Variants in CNTROB observed in about 807,000 individuals in gnomAD.
CNTROB encodes centrobin.
A neutral mutation model predicts 115.7 loss-of-function variants in CNTROB; 82 were observed. The ratio of observed to expected loss-of-function variants is 0.71; its 90% CI spans 0.59 to 0.85. The LOEUF is 0.85. CNTROB is among the 40% of genes least tolerant of loss of function. CNTROB has a pLI of 0.00. For synonymous variants in CNTROB, 439 were observed against 456.4 expected (o/e 0.96, Z 0.49); for missense variants, 1,014 against 1,144.4 (o/e 0.89, Z 1.64).
In CNTROB at chr17:7,939,945, G is replaced by T. The variant is rs1184534555; in HGVS notation, c.1165-151G>T. On this transcript the variant is annotated intron_variant, in intron 8 of 18. Coordinates refer to ENST00000563694, the MANE Select transcript of CNTROB (RefSeq NM_053051.5). The surrounding 1 kb of genome is among the most constrained non-coding windows in gnomAD (Gnocchi z 4.4). ...GGTAATGAATACGTGAAAGGCCAAA[G>T]ACTGAAATTCAACAGGGATGGGGAA... The T allele has an allele frequency of 1.9e-5, 21 of 1,110,840 alleles. No individual in the cohort carries two copies. Among genetic ancestry groups the T allele is most frequent in the Non-Finnish European group, 2.6e-5 (20 of 777,642 alleles). The allele number at this position is 1,110,840 out of a possible 1,614,324, so 68.8% of individuals were successfully genotyped here.
At position 7,948,134 on chromosome 17, in the gene CNTROB, T is replaced by C. The variant is rs768355864; in HGVS notation, c.2210-23T>C. 5 of 1,613,804 alleles carry C rather than the reference T, an allele frequency of 3.1e-6. No homozygotes were observed. Among genetic ancestry groups the C allele is most frequent in the Non-Finnish European group, 4.2e-6 (5 of 1,179,886 alleles). ...GGTTCTATGCCCCATTTCCTGATTCTTGGCATTCTTTCCTTTTGCTAGGTC... is the reference window on the plus strand; with the variant it reads ...GGTTCTATGCCCCATTTCCTGATTCCTGGCATTCTTTCCTTTTGCTAGGTC... On this transcript the variant is annotated intron_variant, in intron 15 of 18. Coordinates refer to ENST00000563694, the MANE Select transcript of CNTROB (RefSeq NM_053051.5). This position sits in a 1 kb window ranked among gnomAD's most constrained non-coding sequence, Gnocchi z 4.4.
At chr17:7,936,968 C>T in intron 6 of CNTROB, 151 bp downstream of exon 6, 2 of 775,552 alleles carry the variant, frequency 2.6e-6, no homozygotes, top group Non-Finnish European at 4.4e-6. Flanking sequence ...CTCCTTTCTT[C>T]TCCTTTAACC....
At chr17:7,942,716 G>A (rs1324561562) in intron 9 of CNTROB, among the ~76,000 whole-genome samples, 1 of 147,984 alleles carries the variant, frequency 6.8e-6, no homozygotes, top group African/African-American at 2.5e-5. Flanking sequence ...CTTATAGGTT[G>A]ACTGCTTAAG....
At chr17:7,937,118 A>G (rs983358478) in intron 6 of CNTROB, 46 bp from the exon 7 acceptor site, 1 of 1,608,694 alleles carries the variant, frequency 6.2e-7, no homozygotes, top group Non-Finnish European at 8.5e-7. Context: ...TAGCACACAC[A>G]GATTTCCCAC....
chr17:7,932,811 T>C lies in CNTROB; in HGVS notation c.-269T>C. ...CGCTGTTGTCCCACAGTAGGTCTTCTGTCCGCACCCGCTCTGCGCTGCACC... is the reference window on the plus strand; with the variant it reads ...CGCTGTTGTCCCACAGTAGGTCTTCCGTCCGCACCCGCTCTGCGCTGCACC... On this transcript the variant is annotated 5_prime_UTR_variant, in exon 1 of 19. Transcript: ENST00000563694. 1 of 438,538 alleles carries C rather than the reference T, an allele frequency of 2.3e-6. No homozygotes were observed. The highest frequency in any genetic ancestry group is 3.7e-5 in the South Asian group (1 of 27,000). The allele number at this position is 438,538 out of a possible 1,614,324, so 27.2% of individuals were successfully genotyped here.
At position 7,947,677 on chromosome 17, in the gene CNTROB, G is replaced by T; in HGVS notation, c.2100G>T (p.Gly700=). ...ACGGGGAGGGCCTCCTAAAGCAAGG[G>T]CTGCCGCCTGCTCAGCTGGAGGGCC... is the stretch of plus-strand genomic sequence containing the variant. The part of the protein sequence containing the change: ...GPDGEGLLKQ[G]LPPAQLEGLK... Residue 700 remains glycine, a synonymous_variant, in exon 14 of 19, where the codon GGG becomes GGT. Coordinates refer to ENST00000563694, the MANE Select transcript of CNTROB (RefSeq NM_053051.5). 3.1e-6 allele frequency: 5 copies of T among 1,613,756 alleles called. No homozygotes were observed. The highest frequency in any genetic ancestry group is 4.2e-6 in the Non-Finnish European group (5 of 1,179,688).
At chr17:7,938,151 T>C (rs1020482231) in intron 7 of CNTROB, among the ~76,000 whole-genome samples, 6 of 151,970 alleles carry the variant, frequency 3.9e-5, no homozygotes, top group African/African-American at 1.5e-4. Context: ...TACAGGCGTA[T>C]ACCACCACGC....
At chr17:7,946,063 C>G in intron 13 of CNTROB, 77 bp downstream of exon 13, 1 of 1,318,866 alleles carries the variant, frequency 7.6e-7, no homozygotes, top group Non-Finnish European at 1.1e-6. Context: ...TGCTTTCTGT[C>G]TGATACTTGA....
chr17:7,943,630 C>T lies in CNTROB; in HGVS notation c.1445+106C>T. The stretch of plus-strand genomic sequence containing the variant: ...TTTGCCATGGTCCAGCACTGTGACT[C>T]CCAGGGTGCGCTAACTCCCATCAGC... On this transcript the variant is annotated intron_variant, in intron 10 of 18. Transcript: ENST00000563694. This position sits in a 1 kb window ranked among gnomAD's most constrained non-coding sequence, Gnocchi z 4.7. 1.6e-6 allele frequency: 2 copies of T among 1,244,298 alleles called. No homozygotes were observed. The highest frequency in any genetic ancestry group is 1.6e-5 in the South Asian group (1 of 60,908). The allele number at this position is 1,244,298 out of a possible 1,614,324, so 77.1% of individuals were successfully genotyped here.
chr17:7,936,447 C>G lies in CNTROB; in HGVS notation c.676C>G (p.Arg226Gly), dbSNP rs374604826. The change falls in exon 5 of 19, where the codon CGC becomes GGC. Residue 226 changes from arginine to glycine, a missense_variant. Physicochemically the swap from Arg to Gly is moderately radical, Grantham distance 125. Coordinates refer to ENST00000563694, the MANE Select transcript of CNTROB (RefSeq NM_053051.5). The part of the protein sequence containing the change: ...QQLAVAVAAD[R>G]KKDTMIEQLD... ...ATTAGCCGTGGCTGTGGCTGCCGACCGCAAGAAAGATACCATGATTGAACA... is the reference window on the plus strand; with the variant it reads ...ATTAGCCGTGGCTGTGGCTGCCGACGGCAAGAAAGATACCATGATTGAACA... 12 of 1,537,350 alleles carry G rather than the reference C, an allele frequency of 7.8e-6. No individual in the cohort carries two copies. The Admixed American group carries it at 2.0e-4, about 26-fold the overall frequency.
chr17:7,949,050 G>C, intron 17 of CNTROB, 35 bp from the exon 18 acceptor site: 1 of 1,613,116 alleles, frequency 6.2e-7, no homozygotes, highest in East Asian at 2.2e-5. Flanking sequence ...GGGGGACGGA[G>C]ATCCCCATCC....
Position 7,935,482 on chromosome 17 carries a change from A to G in CNTROB, c.594+337A>G, listed in dbSNP as rs550474321. Reference sequence around the variant, plus strand: ...ATGCCGCTGCACTCCAGCCTGGGCGACAGAGCGAGACTCCGTCTCAAAAAA... The same window carrying G: ...ATGCCGCTGCACTCCAGCCTGGGCGGCAGAGCGAGACTCCGTCTCAAAAAA... On this transcript the variant is annotated intron_variant, in intron 4 of 18. Transcript: ENST00000563694. Among the ~76,000 whole-genome samples the G allele has an allele frequency of 5.9e-5, 9 of 151,940 alleles. No individual in the cohort carries two copies. In the South Asian group the frequency reaches 1.0e-3, roughly 18 times the overall value.
At chr17:7,949,206 C>G in intron 18 of CNTROB, 49 bp downstream of exon 18, 1 of 1,586,314 alleles carries the variant, frequency 6.3e-7, no homozygotes, top group South Asian at 1.1e-5. Context: ...CTCTCACTGA[C>G]CAGCTCCTTC....
intron 13 of CNTROB, among the ~76,000 whole-genome samples, chr17:7,947,022 G>T (rs1016586695): frequency 1.1e-4 from 16 of 151,982 alleles, no homozygotes; most frequent in Admixed American, 3.9e-4. Context: ...TTAGCCGGGC[G>T]TGGTGGCAGG....
Position 7,938,093 on chromosome 17 carries a change from C to T in CNTROB, c.927+831C>T, listed in dbSNP as rs545823768. Among the ~76,000 whole-genome samples, 225 of 150,866 alleles carry T rather than the reference C, an allele frequency of 1.5e-3. 1 individual carries two copies. Among genetic ancestry groups the T allele is most frequent in the Non-Finnish European group, 2.7e-3 (180 of 67,834 alleles). On this transcript the variant is annotated intron_variant, in intron 7 of 18. Transcript: ENST00000563694. Reference sequence around the variant, plus strand: ...TCTCAGCTCACTGCAGCCTCTGCCCCCTGGATTCTAGCGATTCTCCCACCT... The same window carrying T: ...TCTCAGCTCACTGCAGCCTCTGCCCTCTGGATTCTAGCGATTCTCCCACCT...
chr17:7,939,826 A>G lies in CNTROB; in HGVS notation c.1164+77A>G. On this transcript the variant is annotated intron_variant, in intron 8 of 18. Coordinates refer to ENST00000563694, the MANE Select transcript of CNTROB (RefSeq NM_053051.5). This position sits in a 1 kb window ranked among gnomAD's most constrained non-coding sequence, Gnocchi z 4.4. ...AAATAATTGAATGGGATGGAATGTTAGAATATGGGGGATACATATAGGCAG... is the reference window on the plus strand; with the variant it reads ...AAATAATTGAATGGGATGGAATGTTGGAATATGGGGGATACATATAGGCAG... 7.3e-7 allele frequency: 1 copy of G among 1,372,610 alleles called. No homozygotes were observed. The highest frequency in any genetic ancestry group is 1.0e-6 in the Non-Finnish European group (1 of 967,810). The allele number at this position is 1,372,610 out of a possible 1,614,324, so 85.0% of individuals were successfully genotyped here.
intron 13 of CNTROB, among the ~76,000 whole-genome samples, chr17:7,947,257 G>C (rs1254078956): frequency 6.6e-6 from 1 of 152,118 alleles, no homozygotes; most frequent in Non-Finnish European, 1.5e-5. Context: ...CGGGGGAAGA[G>C]GTCAGAACAT....
chr17:7,935,375 G>A (rs1567909462), intron 4 of CNTROB, among the ~76,000 whole-genome samples: 2 of 152,146 alleles, frequency 1.3e-5, no homozygotes, highest in Admixed American at 6.5e-5. Flanking sequence ...GGTGGTGGGT[G>A]CCTGTAGTCC....
At position 7,949,378 on chromosome 17, in the gene CNTROB, C is replaced by T; in HGVS notation, c.2587-7C>T. 6.2e-7 allele frequency: 1 copy of T among 1,613,764 alleles called. No homozygotes were observed. Among genetic ancestry groups the T allele is most frequent in the Non-Finnish European group, 8.5e-7 (1 of 1,179,758 alleles). ...GATTTCTTCCTCTCTCTTCCCTCAA[C>T]TCTCAGATTCCCTCCCAGGCTGTCC... On this transcript the variant is annotated splice_polypyrimidine_tract_variant and splice_region_variant and intron_variant, in intron 18 of 18. Coordinates refer to ENST00000563694, the MANE Select transcript of CNTROB (RefSeq NM_053051.5).
Sources: gnomAD v4.1 joint callset for allele counts (sites outside exome capture counted in the v4.1 genomes callset) on GRCh38, gnomAD v4.1.1 for gene constraint, Gnocchi (gnomAD v3.1) non-coding constraint, MANE v1.5 for transcripts, NCBI Gene and HGNC (gene_info 2026-07-23, HGNC 2026-07-21) for gene names.